The following SEPTIN9 variants were observed in gnomAD, a reference collection of about 807,000 sequenced individuals.
The protein encoded by SEPTIN9 is septin-9.
A neutral mutation model predicts 56.6 loss-of-function variants in SEPTIN9; 13 were observed. The observed-to-expected ratio is 0.23, with a 90% CI of 0.15 to 0.37. The LOEUF is 0.37. SEPTIN9 is among the 10% of genes least tolerant of loss of function. The pLI is 1.00. For synonymous variants in SEPTIN9, 332 were observed against 334.1 expected, an observed-to-expected ratio of 0.99 and a Z score of 0.07; for missense variants, 650 against 823.1, an observed-to-expected ratio of 0.79 and a Z score of 2.57.
In SEPTIN9 at chr17:77,310,336, G is replaced by A. The variant is rs1787646909; in HGVS notation, c.76+3139G>A. Among the ~76,000 whole-genome samples, 1 of 152,196 alleles carries A rather than the reference G, an allele frequency of 6.6e-6. No individual in the cohort carries two copies. Among genetic ancestry groups the A allele is most frequent in the African/African-American group, 2.4e-5 (1 of 41,448 alleles). Reference sequence around the variant, plus strand: ...TCGTGTGACTGAGCAGCCTAGGTCTGTCTCCTCTTGAATGCCGTCATCAGC... The same window carrying A: ...TCGTGTGACTGAGCAGCCTAGGTCTATCTCCTCTTGAATGCCGTCATCAGC... On this transcript the variant is annotated intron_variant, in intron 2 of 11. Transcript: ENST00000427177. The surrounding 1 kb of genome is among the most constrained non-coding windows in gnomAD (Gnocchi z 4.7).
At chr17:77,358,781 A>G (rs962238117) in intron 2 of SEPTIN9, among the ~76,000 whole-genome samples, 1 of 152,238 alleles carries the variant, frequency 6.6e-6, no homozygotes, top group African/African-American at 2.4e-5. Context: ...GGCTCAGCGT[A>G]TAAAGATGAG....
intron 2 of SEPTIN9, chr17:77,373,250 G>T (rs948210191): frequency 1.8e-6 from 2 of 1,136,910 alleles, no homozygotes; most frequent in African/African-American, 1.6e-5. Context: ...AGGCCGGTGC[G>T]GGTGCGGGAA....
At chr17:77,346,443 C>T (rs1435459195) in intron 2 of SEPTIN9, among the ~76,000 whole-genome samples, 1 of 151,876 alleles carries the variant, frequency 6.6e-6, no homozygotes, top group African/African-American at 2.4e-5. Context: ...CTCTTTGACT[C>T]ATGGGTTATT....
chr17:77,488,340 G>A lies in SEPTIN9; in HGVS notation c.1124+19G>A. ...AGAACTGGTGAGGCCCCTCCAGGGGGAGGAGCACTAGCGGGGGCTTCAGGG... is the reference window on the plus strand; with the variant it reads ...AGAACTGGTGAGGCCCCTCCAGGGGAAGGAGCACTAGCGGGGGCTTCAGGG... On this transcript the variant is annotated intron_variant, in intron 6 of 11. Transcript: ENST00000427177. 6.2e-7 allele frequency: 1 copy of A among 1,607,436 alleles called. No individual in the cohort carries two copies. The highest frequency in any genetic ancestry group is 8.5e-7 in the Non-Finnish European group (1 of 1,174,488).
chr17:77,295,075 C>T (rs1261307380), intron 1 of SEPTIN9, among the ~76,000 whole-genome samples: 1 of 152,232 alleles, frequency 6.6e-6, no homozygotes, highest in Non-Finnish European at 1.5e-5. Context: ...GGCAGCAAGC[C>T]TCCGTTTCCA....
intron 2 of SEPTIN9, among the ~76,000 whole-genome samples, chr17:77,392,843 C>T (rs1006624543): frequency 1.3e-5 from 2 of 152,138 alleles, no homozygotes; most frequent in Non-Finnish European, 2.9e-5. Context: ...GCCTGGGGGC[C>T]GCCCTCCACT....
At position 77,470,314 on chromosome 17, in the gene SEPTIN9, C is replaced by G. The variant is rs986779478; in HGVS notation, c.722-11830C>G. ...TCTACTCACCCACCCATCCACTCACCCATCCATCTACCCATCCTCTCATCT... is the reference window on the plus strand; with the variant it reads ...TCTACTCACCCACCCATCCACTCACGCATCCATCTACCCATCCTCTCATCT... On this transcript the variant is annotated intron_variant, in intron 3 of 11. Coordinates refer to ENST00000427177, the MANE Select transcript of SEPTIN9 (RefSeq NM_001113491.2). Among the ~76,000 whole-genome samples the G allele has an allele frequency of 5.3e-5, 8 of 152,018 alleles. No homozygotes were observed. The East Asian group carries it at 1.2e-3, about 22-fold the overall frequency.
intron 1 of SEPTIN9, among the ~76,000 whole-genome samples, chr17:77,292,191 T>G (rs1304669335): frequency 2.6e-5 from 4 of 152,200 alleles, no homozygotes; most frequent in Non-Finnish European, 5.9e-5. Context: ...TCATTACTTG[T>G]GCAACAGTTT....
At chr17:77,308,463 TG>T (rs2032356007) in intron 2 of SEPTIN9, among the ~76,000 whole-genome samples, 1 of 152,400 alleles carries the variant, frequency 6.6e-6, no homozygotes, top group Admixed American at 6.5e-5. Context: ...ATGGTGGGTC[TG>T]TTCTATACAT....
chr17:77,294,879 C>T (rs113454905), intron 1 of SEPTIN9: 45 of 152,314 alleles, frequency 3.0e-4, no homozygotes, highest in African/African-American at 7.9e-4. Context: ...ATTTTTGATT[C>T]TGCGCGGTAG....
chr17:77,423,941 G>A (rs1241808694), intron 3 of SEPTIN9, among the ~76,000 whole-genome samples: 1 of 132,274 alleles, frequency 7.6e-6, no homozygotes, highest in African/African-American at 3.0e-5. Context: ...CCCTGCCTGG[G>A]GCCAGCAGGG....
At chr17:77,422,532 A>G (rs2036742038) in intron 3 of SEPTIN9, among the ~76,000 whole-genome samples, 1 of 152,004 alleles carries the variant, frequency 6.6e-6, no homozygotes, top group Non-Finnish European at 1.5e-5. Flanking sequence ...AAGCTGGGGT[A>G]AGAGCGGGCT....
chr17:77,403,497 C>T (rs2144105287), intron 3 of SEPTIN9, among the ~76,000 whole-genome samples: 1 of 152,192 alleles, frequency 6.6e-6, no homozygotes, highest in East Asian at 1.9e-4. Context: ...GGGATTGGTG[C>T]CAGTCCTGTG....
rs528867746 is a variant in SEPTIN9 at position 77,396,601 on chromosome 17, G to A, written c.77-5458G>A. ...GCCTGCACATTGGGAAGAGAGGGGC[G>A]ACCGTGTGTGACTGCAGGACCCAGG... On this transcript the variant is annotated intron_variant, in intron 2 of 11. Transcript: ENST00000427177. 6.6e-5 allele frequency among the ~76,000 whole-genome samples: 10 copies of A among 152,222 alleles called. 1 individual carries two copies. Among genetic ancestry groups the A allele is most frequent in the East Asian group, 1.9e-4 (1 of 5,178 alleles).
At chr17:77,479,151 T>C (rs923788002) in intron 3 of SEPTIN9, among the ~76,000 whole-genome samples, 5 of 152,252 alleles carry the variant, frequency 3.3e-5, no homozygotes, top group African/African-American at 4.8e-5. Flanking sequence ...ATAGTGACCG[T>C]GGCAAACGTT....
intron 3 of SEPTIN9, among the ~76,000 whole-genome samples, chr17:77,432,073 GC>G (rs1389222917): frequency 2.6e-5 from 4 of 152,154 alleles, no homozygotes; most frequent in Admixed American, 6.5e-5. Context: ...CCCCTCACAT[GC>G]TCTCTCTGCG....
chr17:77,391,358 G>A (rs886809590), intron 2 of SEPTIN9, among the ~76,000 whole-genome samples: 1 of 152,092 alleles, frequency 6.6e-6, no homozygotes, highest in Non-Finnish European at 1.5e-5. Flanking sequence ...CATAGCTTCC[G>A]GCGGCTCCTG....
chr17:77,455,923 A>G (rs543771072), intron 3 of SEPTIN9, among the ~76,000 whole-genome samples: 2 of 152,112 alleles, frequency 1.3e-5, no homozygotes, highest in Non-Finnish European at 2.9e-5. Context: ...TTTTTCAGAA[A>G]AAGGGCCAAA....
At chr17:77,490,510 C>G (rs891875776) in intron 7 of SEPTIN9, among the ~76,000 whole-genome samples, 1 of 152,200 alleles carries the variant, frequency 6.6e-6, no homozygotes. Flanking sequence ...GGAGCTGGCC[C>G]TGGCCCGCCT....
Sources: gnomAD v4.1 joint callset for allele counts (sites outside exome capture counted in the v4.1 genomes callset) on GRCh38, gnomAD v4.1.1 for gene constraint, Gnocchi (gnomAD v3.1) non-coding constraint, MANE v1.5 for transcripts, NCBI Gene and HGNC (gene_info 2026-07-23, HGNC 2026-07-21) for gene names.